Variants in SLC35F4 observed in about 807,000 individuals in gnomAD.
The protein encoded by SLC35F4 is chromosome 14 open reading frame 36.
Under a neutral mutation model 44.2 loss-of-function variants are expected in SLC35F4, and 24 were observed. The observed-to-expected ratio is 0.54, with a 90% CI of 0.39 to 0.76. SLC35F4 has a LOEUF of 0.76. Among genes scored for constraint, SLC35F4 ranks in the 30% least tolerant of loss-of-function variants. SLC35F4 has a pLI of 0.00. For synonymous variants in SLC35F4, 238 were observed against 223.6 expected (o/e 1.06, Z -0.57); for missense variants, 562 against 586.1 (o/e 0.96, Z 0.42).
At chr14:57,663,764 C>A (rs1334520542) in intron 1 of SLC35F4, among the ~76,000 whole-genome samples, 1 of 152,128 alleles carries the variant, frequency 6.6e-6, no homozygotes, top group Non-Finnish European at 1.5e-5. Context: ...CTGCTGGGCC[C>A]TTGTTAGGAG....
intron 1 of SLC35F4, among the ~76,000 whole-genome samples, chr14:57,917,017 T>TTTTG (rs151134275): frequency 6.6e-6 from 1 of 151,936 alleles, no homozygotes; most frequent in Non-Finnish European, 1.5e-5. Context: ...CTGGTTTTGT[T>TTTTG]TTTGTTTGTT....
intron 1 of SLC35F4, among the ~76,000 whole-genome samples, chr14:57,597,672 G>A (rs1240071757): frequency 6.6e-6 from 1 of 152,200 alleles, no homozygotes; most frequent in African/African-American, 2.4e-5. Context: ...TTTGAAGGAT[G>A]AACAGGACTT....
At chr14:57,980,319 G>A (rs1881339206) in intron 1 of SLC35F4, among the ~76,000 whole-genome samples, 1 of 152,170 alleles carries the variant, frequency 6.6e-6, no homozygotes, top group African/African-American at 2.4e-5. Flanking sequence ...AAACAAGGTG[G>A]GTGTTAGGAT....
chr14:57,711,769 C>T (rs1056786744), intron 1 of SLC35F4, among the ~76,000 whole-genome samples: 14 of 152,150 alleles, frequency 9.2e-5, no homozygotes, highest in African/African-American at 1.7e-4. Flanking sequence ...CAAACCGAAG[C>T]GCAGAAAATT....
At chr14:57,784,920 G>A (rs571630534) in intron 1 of SLC35F4, among the ~76,000 whole-genome samples, 35 of 152,046 alleles carry the variant, frequency 2.3e-4, no homozygotes, top group Admixed American at 2.2e-3. Flanking sequence ...ATGAAGAGTG[G>A]GATGTTTTCT....
At chr14:57,889,180 C>A (rs999523952) in intron 1 of SLC35F4, among the ~76,000 whole-genome samples, 3 of 152,184 alleles carry the variant, frequency 2.0e-5, no homozygotes, top group African/African-American at 4.8e-5. Context: ...CTTCCTGGGG[C>A]AGTTCATCTG....
At chr14:57,853,924 G>A (rs527298731) in intron 1 of SLC35F4, among the ~76,000 whole-genome samples, 1 of 152,264 alleles carries the variant, frequency 6.6e-6, no homozygotes, top group African/African-American at 2.4e-5. Context: ...TTCAAGTGGA[G>A]TCTTGTGACT....
chr14:57,823,588 T>C (rs1883410841), intron 1 of SLC35F4, among the ~76,000 whole-genome samples: 2 of 152,150 alleles, frequency 1.3e-5, no homozygotes, highest in Admixed American at 6.6e-5. Context: ...TAGTTGGTGC[T>C]CAATTAATAT....
At chr14:57,705,076 T>C (rs535466519) in intron 1 of SLC35F4, among the ~76,000 whole-genome samples, 2 of 152,206 alleles carry the variant, frequency 1.3e-5, no homozygotes, top group Non-Finnish European at 2.9e-5. Context: ...TGCGCAATAC[T>C]ATATCCAGCT....
At position 57,644,176 on chromosome 14, in the gene SLC35F4, C is replaced by A. The variant is rs192280842; in HGVS notation, c.104-50052G>T. ...TCAAATGGTATTTCTAGTTCTAGATCCCTGAGGAATCGCCACACTGACTTC... is the reference window on the plus strand; with the variant it reads ...TCAAATGGTATTTCTAGTTCTAGATACCTGAGGAATCGCCACACTGACTTC... On this transcript the variant is annotated intron_variant, in intron 1 of 7. Coordinates refer to ENST00000556826, the MANE Select transcript of SLC35F4 (RefSeq NM_001306087.2). 9.7e-3 allele frequency among the ~76,000 whole-genome samples: 1,473 copies of A among 152,264 alleles called. 10 individuals are homozygous for A. The highest frequency in any genetic ancestry group is 0.024 in the Middle Eastern group (7 of 294).
chr14:57,803,996 T>C (rs1180573014), intron 1 of SLC35F4, among the ~76,000 whole-genome samples: 1 of 152,052 alleles, frequency 6.6e-6, no homozygotes, highest in African/African-American at 2.4e-5. Context: ...CAGAGCCAAA[T>C]CATTAATGAA....
At chr14:57,812,575 G>A (rs2140889047) in intron 1 of SLC35F4, among the ~76,000 whole-genome samples, 1 of 152,248 alleles carries the variant, frequency 6.6e-6, no homozygotes, top group East Asian at 1.9e-4. Flanking sequence ...AGTAAACTGT[G>A]GCATTTCACC....
intron 1 of SLC35F4, chr14:57,630,605 C>T (rs1467230925): frequency 1.2e-6 from 1 of 850,442 alleles, no homozygotes; most frequent in Non-Finnish European, 2.0e-6. Flanking sequence ...CACCTAGATC[C>T]AAATCTCAGT....
intron 1 of SLC35F4, among the ~76,000 whole-genome samples, chr14:57,912,106 T>C (rs965802581): frequency 3.3e-5 from 5 of 151,986 alleles, no homozygotes; most frequent in African/African-American, 9.7e-5. Flanking sequence ...TATGAGGTTG[T>C]AGCAATATTT....
intron 1 of SLC35F4, among the ~76,000 whole-genome samples, chr14:57,956,799 T>C (rs1490290390): frequency 6.6e-6 from 1 of 152,162 alleles, no homozygotes; most frequent in Admixed American, 6.5e-5. Flanking sequence ...CAACAGATGC[T>C]GGAGAGGATG....
At chr14:57,806,998 A>G (rs1012592734) in intron 1 of SLC35F4, among the ~76,000 whole-genome samples, 2 of 152,248 alleles carry the variant, frequency 1.3e-5, no homozygotes, top group African/African-American at 4.8e-5. Context: ...AGCATAAATA[A>G]ATAACTCTTG....
chr14:57,920,736 T>C (rs974127637), intron 1 of SLC35F4, among the ~76,000 whole-genome samples: 12 of 152,188 alleles, frequency 7.9e-5, no homozygotes, highest in African/African-American at 1.9e-4. Flanking sequence ...AACCAGTCTA[T>C]AGAAATAAAT....
chr14:57,776,715 T>G (rs1435161804), intron 1 of SLC35F4, among the ~76,000 whole-genome samples: 1 of 149,384 alleles, frequency 6.7e-6, no homozygotes, highest in Non-Finnish European at 1.5e-5. Flanking sequence ...AAAGTCAGAT[T>G]CCCTAGAAAG....
chr14:57,575,680 C>A (rs1001853899), intron 4 of SLC35F4, among the ~76,000 whole-genome samples: 5 of 152,208 alleles, frequency 3.3e-5, no homozygotes, highest in African/African-American at 9.7e-5. Flanking sequence ...TTATTTAGCC[C>A]ATTATCTCAG....
Sources: allele counts gnomAD v4.1 joint callset (sites outside exome capture counted in the v4.1 genomes callset), GRCh38; gene constraint gnomAD v4.1.1; transcripts MANE v1.5; gene names NCBI Gene and HGNC (gene_info 2026-07-23, HGNC 2026-07-21).